FER1L6: variants seen among roughly 807,000 people sequenced by gnomAD.
FER1L6 encodes the protein fer-1-like protein 6.
Under a neutral mutation model 219.2 loss-of-function variants are expected in FER1L6, and 177 were observed. The observed-to-expected ratio is 0.81, with a 90% CI of 0.71 to 0.91. The LOEUF is 0.91. FER1L6 is among the 40% of genes least tolerant of loss of function. The probability of loss-of-function intolerance (pLI) is 0.00; values close to 1 mark genes in which losing one functional copy is unlikely to be tolerated. For missense variants in FER1L6, 2,153 were observed against 2,259.9 expected (o/e 0.95, Z 0.96); for synonymous variants, 768 against 824.3 (o/e 0.93, Z 1.17).
At chr8:123,856,308 A>ATGTGTG (rs200449762) in intron 1 of FER1L6, among the ~76,000 whole-genome samples, 13,033 of 64,182 alleles carry the variant, frequency 0.2, 3,146 homozygotes, top group Non-Finnish European at 0.24. Flanking sequence ...ATATATATAT[A>ATGTGTG]TGTATGTGTA....
rs751038215 is a variant in FER1L6 at position 123,975,982 on chromosome 8, C to T, written c.768C>T (p.Pro256=). The T allele has an allele frequency of 1.2e-6, 2 of 1,613,950 alleles. No homozygotes were observed. The highest frequency in any genetic ancestry group is 4.5e-5 in the East Asian group (2 of 44,868). ...GACTCTACAAAGCAGAAGGGTTGCC[C>T]AAAATGAATTCAAGCATCATGGCGA... is the stretch of plus-strand genomic sequence containing the variant. ...YVRLYKAEGL[P]KMNSSIMANV... The change falls in exon 9 of 41, where the codon CCC becomes CCT. Residue 256 remains proline (P), a synonymous_variant. Transcript: ENST00000522917.
At chr8:123,879,295 C>A (rs985050703) in intron 1 of FER1L6, among the ~76,000 whole-genome samples, 6 of 151,934 alleles carry the variant, frequency 3.9e-5, no homozygotes, top group African/African-American at 1.4e-4. Flanking sequence ...AAAGCAAAAC[C>A]CTTTCTCAAA....
chr8:123,917,946 A>G (rs995061259), intron 1 of FER1L6, among the ~76,000 whole-genome samples: 1 of 152,136 alleles, frequency 6.6e-6, no homozygotes, highest in Non-Finnish European at 1.5e-5. Flanking sequence ...CTTTTCTTGC[A>G]TTTCTTGCAT....
intron 1 of FER1L6, among the ~76,000 whole-genome samples, chr8:123,863,202 A>C (rs1816774383): frequency 1.2e-5 from 1 of 83,032 alleles, no homozygotes; most frequent in Non-Finnish European, 2.2e-5. Context: ...TTGGTTTCAA[A>C]GAACATCTTT....
At chr8:124,093,773 C>G (rs1822154925) in intron 34 of FER1L6, among the ~76,000 whole-genome samples, 1 of 150,284 alleles carries the variant, frequency 6.7e-6, no homozygotes, top group Admixed American at 6.6e-5. Flanking sequence ...TTTTTGTGGC[C>G]CCTTTATTTT....
At chr8:124,093,506 AT>A (rs1351504290) in intron 34 of FER1L6, among the ~76,000 whole-genome samples, 4 of 152,050 alleles carry the variant, frequency 2.6e-5, no homozygotes, top group Admixed American at 2.6e-4. Flanking sequence ...CCAGAAACCC[AT>A]TGAAGGTTCT....
intron 12 of FER1L6, among the ~76,000 whole-genome samples, chr8:123,996,137 G>A (rs1363084618): frequency 6.6e-6 from 1 of 152,110 alleles, no homozygotes; most frequent in Non-Finnish European, 1.5e-5. Flanking sequence ...ATAGCCATTA[G>A]AAGAAATGTC....
chr8:123,982,260 G>A (rs1379237392), intron 11 of FER1L6, among the ~76,000 whole-genome samples: 1 of 152,084 alleles, frequency 6.6e-6, no homozygotes, highest in East Asian at 1.9e-4. Context: ...TCCTGCTGTG[G>A]GTTGAAGCTG....
At chr8:123,922,352 G>C (rs1198288944) in intron 1 of FER1L6, among the ~76,000 whole-genome samples, 1 of 152,202 alleles carries the variant, frequency 6.6e-6, no homozygotes, top group Middle Eastern at 3.2e-3. Context: ...ATTTCCGTCT[G>C]AGTCACTGGA....
At chr8:124,045,713 G>T (rs1819695989) in intron 20 of FER1L6, 54 bp from the exon 21 acceptor site, 6 of 1,592,498 alleles carry the variant, frequency 3.8e-6, no homozygotes, top group Non-Finnish European at 5.2e-6. Flanking sequence ...GAACCTTAGA[G>T]CCCCTATAAC....
intron 1 of FER1L6, among the ~76,000 whole-genome samples, chr8:123,908,483 T>A (rs1340005135): frequency 6.6e-6 from 1 of 152,236 alleles, no homozygotes; most frequent in Non-Finnish European, 1.5e-5. Flanking sequence ...AGATAAGACT[T>A]TTAGTAAGAA....
chr8:124,059,246 C>G (rs181847734), intron 22 of FER1L6, among the ~76,000 whole-genome samples: 57 of 152,278 alleles, frequency 3.7e-4, no homozygotes, highest in African/African-American at 1.3e-3. Flanking sequence ...TCCCAAGGAG[C>G]TTGATGGGTC....
chr8:123,868,166 A>T (rs1025293159), intron 1 of FER1L6, among the ~76,000 whole-genome samples: 1 of 152,132 alleles, frequency 6.6e-6, no homozygotes, highest in East Asian at 1.9e-4. Flanking sequence ...GTACAGTGGG[A>T]ACATATCTGG....
intron 1 of FER1L6, among the ~76,000 whole-genome samples, chr8:123,916,125 C>A (rs1813182645): frequency 6.6e-6 from 1 of 152,170 alleles, no homozygotes; most frequent in Admixed American, 6.5e-5. Context: ...CTGCAGGCAG[C>A]CCTCCTAGAT....
chr8:124,060,065 A>G (rs1012618519), intron 22 of FER1L6, 115 bp from the exon 23 acceptor site: 2 of 740,728 alleles, frequency 2.7e-6, no homozygotes, highest in Non-Finnish European at 4.7e-6. Flanking sequence ...TTTAAGCTGG[A>G]AACATTACTT....
chr8:124,038,851 A>G (rs1374632132), intron 19 of FER1L6, among the ~76,000 whole-genome samples: 5 of 152,330 alleles, frequency 3.3e-5, no homozygotes, highest in Non-Finnish European at 7.3e-5. Context: ...GCTTCTGTAT[A>G]CCACTCCCCA....
chr8:124,029,177 C>T (rs187112162), intron 18 of FER1L6, among the ~76,000 whole-genome samples: 55 of 152,166 alleles, frequency 3.6e-4, no homozygotes, highest in African/African-American at 1.0e-3. Context: ...TCCAGTCTAT[C>T]ATCGATGGGC....
Position 123,977,589 on chromosome 8 carries a change from A to T in FER1L6, c.1043A>T (p.Asn348Ile). 1 of 1,614,112 alleles carries T rather than the reference A, an allele frequency of 6.2e-7. No individual in the cohort carries two copies. Among genetic ancestry groups the T allele is most frequent in the Non-Finnish European group, 8.5e-7 (1 of 1,179,966 alleles). ...TTCATTGACCTGAAGAAAATCTCCA[A>T]CGAACAGGATGGAGACAAAGGTAAA... is the stretch of plus-strand genomic sequence containing the variant. ...THFIDLKKIS[N>I]EQDGDKGFLP... The change falls in exon 10 of 41, where the codon AAC (asparagine) becomes ATC (isoleucine). Residue 348 changes from asparagine to isoleucine, a missense_variant. Asn to Ile is a moderately radical substitution (Grantham distance 149, BLOSUM62 -3). Coordinates refer to ENST00000522917, the MANE Select transcript of FER1L6 (RefSeq NM_001039112.2).
intron 1 of FER1L6, among the ~76,000 whole-genome samples, chr8:123,900,816 G>A (rs765888371): frequency 1.4e-4 from 22 of 152,204 alleles, no homozygotes; most frequent in African/African-American, 4.3e-4. Context: ...ATTGACTTGC[G>A]TATGTTAAAC....
Sources: allele counts gnomAD v4.1 joint callset (sites outside exome capture counted in the v4.1 genomes callset), GRCh38; gene constraint gnomAD v4.1.1; transcripts MANE v1.5; gene names NCBI Gene and HGNC (gene_info 2026-07-23, HGNC 2026-07-21).